RXRA: variants seen among roughly 807,000 people sequenced by gnomAD.
RXRA encodes retinoid X receptor alpha, also known as retinoic acid receptor RXR-alpha.
A neutral mutation model predicts 44.5 loss-of-function variants in RXRA; 5 were observed. The ratio of observed to expected loss-of-function variants is 0.11; its 90% CI spans 0.06 to 0.24. The LOEUF (loss-of-function observed/expected upper bound fraction) is 0.24, where lower values mean the gene tolerates loss of function less well. RXRA is among the 10% of genes least tolerant of loss of function. RXRA has a pLI of 1.00. For synonymous variants in RXRA, 291 were observed against 271.4 expected, an observed-to-expected ratio of 1.07 and a Z score of -0.71; for missense variants, 412 against 646.5, an observed-to-expected ratio of 0.64 and a Z score of 3.93.
chr9:134,424,959 C>G (rs1831408393), intron 6 of RXRA: 1 of 985,352 alleles, frequency 1.0e-6, no homozygotes, highest in Admixed American at 6.1e-5. Context: ...GCTAGGCCCT[C>G]CCACTGTGTT....
intron 1 of RXRA, among the ~76,000 whole-genome samples, chr9:134,350,608 C>T (rs1457159591): frequency 6.6e-6 from 1 of 152,224 alleles, no homozygotes; most frequent in African/African-American, 2.4e-5. Flanking sequence ...GCTGTGCTCA[C>T]CCACACGGGG....
chr9:134,364,076 C>G (rs894996813), intron 1 of RXRA, among the ~76,000 whole-genome samples: 1 of 152,208 alleles, frequency 6.6e-6, no homozygotes, highest in Non-Finnish European at 1.5e-5. Context: ...TTTCTCCTCT[C>G]CCAGCTGCCC....
At chr9:134,354,116 G>A (rs1830254831) in intron 1 of RXRA, among the ~76,000 whole-genome samples, 1 of 152,182 alleles carries the variant, frequency 6.6e-6, no homozygotes, top group Admixed American at 6.5e-5. Flanking sequence ...CAGCCTTTGT[G>A]TCTCTTCTGA....
At chr9:134,378,844 G>A (rs1830597363) in intron 1 of RXRA, among the ~76,000 whole-genome samples, 2 of 152,300 alleles carry the variant, frequency 1.3e-5, no homozygotes, top group East Asian at 1.9e-4. Context: ...CTTCAGGAGC[G>A]GCCTCTGGAG....
chr9:134,432,626 T>C (rs7852594), intron 8 of RXRA, among the ~76,000 whole-genome samples: 18,727 of 152,316 alleles, frequency 0.12, 1,739 homozygotes, highest in African/African-American at 0.26. Flanking sequence ...GTTTGCTCGG[T>C]GCCCTGCTGG....
chr9:134,332,070 G>A (rs1196665923), intron 1 of RXRA, among the ~76,000 whole-genome samples: 1 of 151,928 alleles, frequency 6.6e-6, no homozygotes, highest in Non-Finnish European at 1.5e-5. Flanking sequence ...GCTGGTTGAA[G>A]GCCCTCTAAG....
At chr9:134,391,412 T>C (rs545886116) in intron 1 of RXRA, among the ~76,000 whole-genome samples, 22 of 151,828 alleles carry the variant, frequency 1.4e-4, no homozygotes, top group Admixed American at 5.9e-4. Flanking sequence ...GAGAGCAACA[T>C]GGCTCAAAAT....
chr9:134,370,473 C>T (rs1446584928), intron 1 of RXRA, among the ~76,000 whole-genome samples: 4 of 152,254 alleles, frequency 2.6e-5, no homozygotes, highest in South Asian at 2.1e-4. Context: ...CTTTGTCTCT[C>T]GCCGTGGGGC....
intron 1 of RXRA, among the ~76,000 whole-genome samples, chr9:134,376,973 G>A (rs1158917887): frequency 2.0e-5 from 3 of 152,184 alleles, no homozygotes; most frequent in Non-Finnish European, 4.4e-5. Flanking sequence ...CTGAGTGTGC[G>A]ATTGTGTGCC....
At chr9:134,374,546 AC>A (rs1330444291) in intron 1 of RXRA, among the ~76,000 whole-genome samples, 1 of 150,906 alleles carries the variant, frequency 6.6e-6, no homozygotes, top group Non-Finnish European at 1.5e-5. Context: ...CCCCCGGGGC[AC>A]CCCCCGCCTC....
At position 134,365,285 on chromosome 9, in the gene RXRA, G is replaced by C. The variant is rs536110520; in HGVS notation, c.29-36347G>C. Among the ~76,000 whole-genome samples the C allele has an allele frequency of 1.3e-3, 203 of 152,350 alleles. No homozygotes were observed. The highest frequency in any genetic ancestry group is 4.8e-3 in the African/African-American group (198 of 41,576). On this transcript the variant is annotated intron_variant, in intron 1 of 9. Transcript: ENST00000481739. This position sits in a 1 kb window ranked among gnomAD's most constrained non-coding sequence, Gnocchi z 4.0. ...TCACAGCCCCAGCCTGCAGGCGCTCGAGCTGAAAGCCCTCGCCCCTCGTGG... is the reference window on the plus strand; with the variant it reads ...TCACAGCCCCAGCCTGCAGGCGCTCCAGCTGAAAGCCCTCGCCCCTCGTGG...
At chr9:134,387,204 G>A (rs73554178) in intron 1 of RXRA, among the ~76,000 whole-genome samples, 8,450 of 152,326 alleles carry the variant, frequency 0.055, 800 homozygotes, top group African/African-American at 0.19. Flanking sequence ...CGGCCGCTCC[G>A]CCCTGCCCGG....
At chr9:134,362,761 C>T (rs1005855919) in intron 1 of RXRA, among the ~76,000 whole-genome samples, 10 of 152,342 alleles carry the variant, frequency 6.6e-5, no homozygotes, top group African/African-American at 1.7e-4. Context: ...CACTTTCTGT[C>T]GGCCCCTCAT....
At chr9:134,420,534 G>T (rs1045790447) in intron 5 of RXRA, among the ~76,000 whole-genome samples, 1 of 152,192 alleles carries the variant, frequency 6.6e-6, no homozygotes, top group African/African-American at 2.4e-5. Context: ...GCCATTCCTC[G>T]GGGGCCTTCT....
intron 1 of RXRA, among the ~76,000 whole-genome samples, chr9:134,353,730 C>T (rs1257086081): frequency 6.6e-6 from 1 of 152,238 alleles, no homozygotes; most frequent in African/African-American, 2.4e-5. Flanking sequence ...GAGGGAACTG[C>T]TGTCTCCTCA....
intron 1 of RXRA, among the ~76,000 whole-genome samples, chr9:134,390,420 A>T (rs1368797412): frequency 6.6e-6 from 1 of 152,176 alleles, no homozygotes; most frequent in Non-Finnish European, 1.5e-5. Flanking sequence ...CCAGTCTGGG[A>T]CAGTGGGTGG....
At chr9:134,337,563 C>T (rs1480819938) in intron 1 of RXRA, among the ~76,000 whole-genome samples, 4 of 152,084 alleles carry the variant, frequency 2.6e-5, no homozygotes, top group Non-Finnish European at 4.4e-5. Context: ...GGTGTGTGAG[C>T]GTGGTGGTGG....
intron 6 of RXRA, chr9:134,425,929 G>A (rs1269351827): frequency 1.0e-6 from 1 of 985,304 alleles, no homozygotes; most frequent in Non-Finnish European, 1.2e-6. Flanking sequence ...GGTGAGACAG[G>A]AACGTGGCTG....
At chr9:134,351,557 C>T (rs1480795509) in intron 1 of RXRA, among the ~76,000 whole-genome samples, 2 of 152,252 alleles carry the variant, frequency 1.3e-5, no homozygotes, top group South Asian at 2.1e-4. Flanking sequence ...AATATTTCAT[C>T]AGCAGATTAA....
Sources: gnomAD v4.1 joint callset for allele counts (sites outside exome capture counted in the v4.1 genomes callset) on GRCh38, gnomAD v4.1.1 for gene constraint, Gnocchi (gnomAD v3.1) non-coding constraint, MANE v1.5 for transcripts, NCBI Gene and HGNC (gene_info 2026-07-23, HGNC 2026-07-21) for gene names.